Variants in TTC34 observed in about 807,000 individuals in gnomAD.
The protein encoded by TTC34 is tetratricopeptide repeat protein 34.
TTC34 carries 44 observed loss-of-function variants against 40.7 expected under a neutral mutation model. That is an observed-to-expected ratio of 1.08 (90% CI 0.85 to 1.39). TTC34 has a LOEUF of 1.39. Ranked by LOEUF, TTC34 falls within the 40% of genes most tolerant of loss-of-function variation. The probability of loss-of-function intolerance (pLI) is 0.00; values close to 1 mark genes in which losing one functional copy is unlikely to be tolerated. For synonymous variants in TTC34, 422 were observed against 398.6 expected (o/e 1.06, Z -0.70); for missense variants, 884 against 838.0 (o/e 1.05, Z -0.68).
At chr1:2,683,238 T>A (rs1331237743) in intron 6 of TTC34, among the ~76,000 whole-genome samples, 2 of 144,032 alleles carry the variant, frequency 1.4e-5, no homozygotes, top group East Asian at 2.0e-4. Flanking sequence ...CACCCCCAAG[T>A]GAGCATCTGA....
intron 6 of TTC34, among the ~76,000 whole-genome samples, chr1:2,752,293 C>G (rs1462886760): frequency 8.1e-4 from 33 of 40,556 alleles, no homozygotes; most frequent in East Asian, 1.5e-3. Flanking sequence ...CCTTGCACCC[C>G]CAGGGGAGCA....
intron 6 of TTC34, among the ~76,000 whole-genome samples, chr1:2,683,058 A>ACCACAACCACAC (rs2100322108): frequency 6.8e-6 from 1 of 147,800 alleles, no homozygotes; most frequent in Non-Finnish European, 1.5e-5. Context: ...ACAGCCTGGA[A>ACCACAACCACAC]CCGCAGCCAC....
Position 2,645,587 on chromosome 1 carries a change from G to GGGGGCC in TTC34, c.2227-25_2227-24insGGCCCC. 4.4e-6 allele frequency: 1 copy of GGGGGCC among 229,534 alleles called. No individual in the cohort carries two copies. Among genetic ancestry groups the GGGGGCC allele is most frequent in the African/African-American group, 2.7e-5 (1 of 37,284 alleles). 14.2% of individuals were successfully genotyped at this position (229,534 alleles called of 1,614,324 possible). A position where few individuals can be genotyped will look rare whatever the true frequency, so the allele number is the denominator to read the frequency against. ...TCCTGCAAGGAGGGAGGGCGGGCGG[G>GGGGGCC]TGCAGAGTTGTCCTAAGTAGAGAAA... On this transcript the variant is annotated intron_variant, in intron 6 of 8. Coordinates refer to ENST00000401095, the Ensembl canonical transcript of TTC34. This position sits in a 1 kb window ranked among gnomAD's most constrained non-coding sequence, Gnocchi z 4.7.
At chr1:2,696,038 C>T (rs945312221) in intron 6 of TTC34, among the ~76,000 whole-genome samples, 1 of 146,640 alleles carries the variant, frequency 6.8e-6, no homozygotes, top group Admixed American at 6.8e-5. Context: ...ACCCACACGC[C>T]CAGGTGAGCC....
chr1:2,699,527 C>A (rs537157118), intron 6 of TTC34, among the ~76,000 whole-genome samples: 1 of 133,704 alleles, frequency 7.5e-6, no homozygotes, highest in African/African-American at 2.6e-5. Flanking sequence ...TGGAACACCA[C>A]CCACATCCCC....
chr1:2,687,667 G>C (rs1640426930), intron 6 of TTC34, among the ~76,000 whole-genome samples: 3 of 151,738 alleles, frequency 2.0e-5, no homozygotes, highest in African/African-American at 4.9e-5. Flanking sequence ...GCATCTGACA[G>C]GCTGGAGCAG....
chr1:2,798,864 T>C (rs1211133363), intron 2 of TTC34, among the ~76,000 whole-genome samples: 1 of 86,828 alleles, frequency 1.2e-5, no homozygotes, highest in African/African-American at 5.4e-5. Flanking sequence ...CCTCCCAGCC[T>C]CTCAGCCTCC....
chr1:2,653,224 A>C (rs1484823205), intron 6 of TTC34, among the ~76,000 whole-genome samples: 1 of 147,308 alleles, frequency 6.8e-6, no homozygotes, highest in Non-Finnish European at 1.5e-5. Flanking sequence ...TGAACATCTG[A>C]CAGACTGGAA....
intron 6 of TTC34, among the ~76,000 whole-genome samples, chr1:2,684,547 G>C (rs1640231181): frequency 1.4e-5 from 2 of 142,404 alleles, no homozygotes; most frequent in Non-Finnish European, 3.0e-5. Flanking sequence ...TCCTGAAACA[G>C]CTCCCACAAC....
chr1:2,759,532 T>C (rs1483527494), intron 6 of TTC34, among the ~76,000 whole-genome samples: 2 of 133,948 alleles, frequency 1.5e-5, no homozygotes, highest in Non-Finnish European at 3.2e-5. Flanking sequence ...CAGATGAGCA[T>C]CTGACAGCCT....
At chr1:2,749,042 C>A (rs1343922932) in intron 6 of TTC34, among the ~76,000 whole-genome samples, 48 of 45,220 alleles carry the variant, frequency 1.1e-3, no homozygotes, top group African/African-American at 2.1e-3. Context: ...GCACCCACAC[C>A]CCCAGGTGAG....
intron 6 of TTC34, among the ~76,000 whole-genome samples, chr1:2,653,268 C>CTGGT: frequency 7.5e-6 from 1 of 133,834 alleles, no homozygotes; most frequent in East Asian, 2.6e-4. Context: ...CCTCTGACAA[C>CTGGT]CTGGAACAGC....
At chr1:2,800,126 C>T in exon 2 of TTC34, 1 of 398,534 alleles carries the variant, frequency 2.5e-6, no homozygotes, top group Non-Finnish European at 4.4e-6. Context: ...CGCTGTGGAG[C>T]AGAGCTTCAG....
At chr1:2,675,599 A>C in intron 6 of TTC34, among the ~76,000 whole-genome samples, 1 of 142,922 alleles carries the variant, frequency 7.0e-6, no homozygotes, top group African/African-American at 2.7e-5. Context: ...AACGGCACCC[A>C]CAACCCCAGG....
At chr1:2,698,535 T>A (rs796519672) in intron 6 of TTC34, among the ~76,000 whole-genome samples, 1 of 117,414 alleles carries the variant, frequency 8.5e-6, no homozygotes, top group Non-Finnish European at 1.8e-5. Context: ...CACCCCCAGG[T>A]GAGCATCGGG....
At chr1:2,695,746 G>C (rs1640832912) in intron 6 of TTC34, among the ~76,000 whole-genome samples, 2 of 150,976 alleles carry the variant, frequency 1.3e-5, no homozygotes, top group Non-Finnish European at 2.9e-5. Flanking sequence ...TCCTGGAACA[G>C]CACCCACACC....
intron 6 of TTC34, among the ~76,000 whole-genome samples, chr1:2,646,685 C>A (rs945376134): frequency 6.6e-6 from 1 of 152,212 alleles, no homozygotes; most frequent in African/African-American, 2.4e-5. Context: ...CACACCTGGC[C>A]TGTTTTTAAT....
chr1:2,686,711 C>G (rs1640368823), intron 6 of TTC34, among the ~76,000 whole-genome samples: 2 of 143,460 alleles, frequency 1.4e-5, no homozygotes, highest in Admixed American at 7.0e-5. Context: ...CAGCCTGGAA[C>G]AGCACACACA....
chr1:2,685,753 C>T (rs1479272537), intron 6 of TTC34, among the ~76,000 whole-genome samples: 11 of 149,654 alleles, frequency 7.4e-5, no homozygotes, highest in Admixed American at 4.6e-4. Context: ...GGAGCAGAAC[C>T]CACACCCACA....
Sources: gnomAD v4.1 joint callset for allele counts (sites outside exome capture counted in the v4.1 genomes callset) on GRCh38, gnomAD v4.1.1 for gene constraint, Gnocchi (gnomAD v3.1) non-coding constraint, MANE v1.5 for transcripts, NCBI Gene and HGNC (gene_info 2026-07-23, HGNC 2026-07-21) for gene names.